Variants in GNA11 observed in about 807,000 individuals in gnomAD.
GNA11 encodes the protein guanine nucleotide-binding protein subunit alpha-11.
GNA11 carries 8 observed loss-of-function variants against 38.2 expected under a neutral mutation model. The ratio of observed to expected loss-of-function variants is 0.21; its 90% CI spans 0.12 to 0.38. GNA11 has a LOEUF of 0.38. Ranked by LOEUF, GNA11 falls within the 10% of genes least tolerant of loss-of-function variation. GNA11 has a pLI of 1.00. For missense variants in GNA11, 268 were observed against 516.3 expected, an observed-to-expected ratio of 0.52 and a Z score of 4.66; for synonymous variants, 211 against 221.4, an observed-to-expected ratio of 0.95 and a Z score of 0.42.
At chr19:3,109,774 GA>G (rs1368000401) in intron 1 of GNA11, among the ~76,000 whole-genome samples, 3 of 152,376 alleles carry the variant, frequency 2.0e-5, no homozygotes, top group African/African-American at 7.2e-5. Flanking sequence ...CATTGGTCAT[GA>G]ACTGGCGTGA....
intron 3 of GNA11, among the ~76,000 whole-genome samples, chr19:3,114,728 C>T (rs566475620): frequency 2.0e-5 from 3 of 152,300 alleles, no homozygotes; most frequent in African/African-American, 7.2e-5. Flanking sequence ...CCCCTGAGAC[C>T]CCAGAGAGGA....
chr19:3,119,437 C>A lies in GNA11; in HGVS notation c.889+78C>A. Reference sequence around the variant, plus strand: ...GGAGGGGGCTGATATGGGAGAGGGGCTCATACAGGCCGGGAGCTCTAAGGG... The same window carrying A: ...GGAGGGGGCTGATATGGGAGAGGGGATCATACAGGCCGGGAGCTCTAAGGG... On this transcript the variant is annotated intron_variant, in intron 6 of 6. Transcript: ENST00000078429. This position sits in a 1 kb window ranked among gnomAD's most constrained non-coding sequence, Gnocchi z 4.6. The A allele has an allele frequency of 1.5e-6, 2 of 1,359,784 alleles. No homozygotes were observed. The highest frequency in any genetic ancestry group is 1.0e-6 in the Non-Finnish European group (1 of 974,706). The allele number at this position is 1,359,784 out of a possible 1,614,324, so 84.2% of individuals were successfully genotyped here. A position where few individuals can be genotyped will look rare whatever the true frequency, so the allele number is the denominator to read the frequency against.
rs1001522171 is a variant in GNA11 at position 3,123,702 on chromosome 19, G to A, written c.*2523G>A. On this transcript the variant is annotated 3_prime_UTR_variant, in exon 7 of 7. Coordinates refer to ENST00000078429, the MANE Select transcript of GNA11 (RefSeq NM_002067.5). ...AGTGGTGGCAGCAGATCCTGTGGCC[G>A]GCCTGGCGGACGGGACCCAGTGATA... 1.3e-5 allele frequency: 3 copies of A among 233,056 alleles called. No individual in the cohort carries two copies. The highest frequency in any genetic ancestry group is 2.5e-5 in the Non-Finnish European group (3 of 117,974). 14.4% of individuals were successfully genotyped at this position (233,056 alleles called of 1,614,324 possible). A position where few individuals can be genotyped will look rare whatever the true frequency, so the allele number is the denominator to read the frequency against.
chr19:3,102,992 T>C (rs1428719617), intron 1 of GNA11, among the ~76,000 whole-genome samples: 1 of 152,158 alleles, frequency 6.6e-6, no homozygotes, highest in Non-Finnish European at 1.5e-5. Flanking sequence ...TCCCGGTGTG[T>C]GCACTGGCCT....
Position 3,122,503 on chromosome 19 carries a change from G to A in GNA11, c.*1324G>A, listed in dbSNP as rs1450022073. On this transcript the variant is annotated 3_prime_UTR_variant, in exon 7 of 7. Coordinates refer to ENST00000078429, the MANE Select transcript of GNA11 (RefSeq NM_002067.5). This position sits in a 1 kb window ranked among gnomAD's most constrained non-coding sequence, Gnocchi z 7.7. ...CGGGGGCCGCCTCCCGGGGCCCCTT[G>A]AGGCACTGAGGCACCGAGACTGGTT... 1 of 232,172 alleles carries A rather than the reference G, an allele frequency of 4.3e-6. No homozygotes were observed. Among genetic ancestry groups the A allele is most frequent in the African/African-American group, 2.2e-5 (1 of 45,264 alleles). 14.4% of individuals were successfully genotyped at this position (232,172 alleles called of 1,614,324 possible).
Position 3,102,464 on chromosome 19 carries a change from G to A in GNA11, c.136+7677G>A, listed in dbSNP as rs778893628. On this transcript the variant is annotated intron_variant, in intron 1 of 6. Coordinates refer to ENST00000078429, the MANE Select transcript of GNA11 (RefSeq NM_002067.5). The stretch of plus-strand genomic sequence containing the variant: ...CCGGGTGCACTTCCTCTCTCAGGGC[G>A]CCCCCTTGTCTTCTTGCCTCCCTGC... Among the ~76,000 whole-genome samples, 8 of 152,202 alleles carry A rather than the reference G, an allele frequency of 5.3e-5. 1 individual carries two copies. Among genetic ancestry groups the A allele is most frequent in the South Asian group, 4.1e-4 (2 of 4,834 alleles).
rs1914089504 is a variant in GNA11 at position 3,121,845 on chromosome 19, T to C, written c.*666T>C. The C allele has an allele frequency of 4.3e-6, 1 of 231,906 alleles. No homozygotes were observed. Among genetic ancestry groups the C allele is most frequent in the Non-Finnish European group, 8.5e-6 (1 of 117,166 alleles). The allele number at this position is 231,906 out of a possible 1,614,324, so 14.4% of individuals were successfully genotyped here. The stretch of plus-strand genomic sequence containing the variant: ...CTGGGAAGTGCCTAACCTTTTATTT[T>C]ATTTTATTTTTTTGAGGAAAAAGAA... On this transcript the variant is annotated 3_prime_UTR_variant, in exon 7 of 7. Transcript: ENST00000078429.
chr19:3,118,877 G>A (rs2145325725), intron 4 of GNA11, 47 bp from the exon 5 acceptor site: 1 of 1,593,904 alleles, frequency 6.3e-7, no homozygotes, highest in East Asian at 2.2e-5. Context: ...TTGCAGATTG[G>A]GCCTTGGGGC....
rs1349365863 is a variant in GNA11, at chr19:3,120,717, A to T, written c.890-272A>T. On this transcript the variant is annotated intron_variant, in intron 6 of 6. Transcript: ENST00000078429. The surrounding 1 kb of genome is among the most constrained non-coding windows in gnomAD (Gnocchi z 5.9). ...GAGCTGAGTGGATAGAGGCCGGCAG[A>T]GGGCTGAGCAGAGGGAGCAGCGGTG... Among the ~76,000 whole-genome samples the T allele has an allele frequency of 6.6e-6, 1 of 151,922 alleles. No homozygotes were observed. Among genetic ancestry groups the T allele is most frequent in the South Asian group, 2.1e-4 (1 of 4,820 alleles).
rs555780638 is a variant in GNA11, at chr19:3,122,133, G to A, written c.*954G>A. ...GGATGGTCCCCCGGTGACACTGGGA[G>A]AAAGGCCACTTGGATGGGGGCGTTT... On this transcript the variant is annotated 3_prime_UTR_variant, in exon 7 of 7. Coordinates refer to ENST00000078429, the MANE Select transcript of GNA11 (RefSeq NM_002067.5). This position sits in a 1 kb window ranked among gnomAD's most constrained non-coding sequence, Gnocchi z 7.7. The A allele has an allele frequency of 1.9e-4, 44 of 233,360 alleles. No homozygotes were observed. The East Asian group carries it at 2.7e-3, about 14-fold the overall frequency. 14.5% of individuals were successfully genotyped at this position (233,360 alleles called of 1,614,324 possible).
Position 3,119,447 on chromosome 19 carries a change from C to A in GNA11, c.889+88C>A. The A allele has an allele frequency of 7.9e-7, 1 of 1,270,042 alleles. No homozygotes were observed. Among genetic ancestry groups the A allele is most frequent in the Non-Finnish European group, 1.1e-6 (1 of 902,872 alleles). The allele number at this position is 1,270,042 out of a possible 1,614,324, so 78.7% of individuals were successfully genotyped here. On this transcript the variant is annotated intron_variant, in intron 6 of 6. Coordinates refer to ENST00000078429, the MANE Select transcript of GNA11 (RefSeq NM_002067.5). The surrounding 1 kb of genome is among the most constrained non-coding windows in gnomAD (Gnocchi z 4.6). ...GATATGGGAGAGGGGCTCATACAGGCCGGGAGCTCTAAGGGAGGGCGTCTG... is the reference window on the plus strand; with the variant it reads ...GATATGGGAGAGGGGCTCATACAGGACGGGAGCTCTAAGGGAGGGCGTCTG...
chr19:3,118,254 A>G (rs995708282), intron 4 of GNA11: 2 of 152,142 alleles, frequency 1.3e-5, no homozygotes, highest in African/African-American at 4.8e-5. Flanking sequence ...TTCTCGTTAT[A>G]GAAAACTTAG....
chr19:3,109,616 C>T (rs959568407), intron 1 of GNA11, among the ~76,000 whole-genome samples: 2 of 152,178 alleles, frequency 1.3e-5, no homozygotes, highest in African/African-American at 2.4e-5. Flanking sequence ...GTGCTTGGTG[C>T]GCAGGGGGCA....
At chr19:3,117,189 G>A (rs1474249365) in intron 4 of GNA11, 1 of 152,304 alleles carries the variant, frequency 6.6e-6, no homozygotes, top group Non-Finnish European at 1.5e-5. Context: ...ATGACCCCAG[G>A]ATACAGCTGA....
chr19:3,118,948 G>T lies in GNA11; in HGVS notation c.630G>T (p.Arg210=), dbSNP rs2145325995. ...GGATGGTGGATGTGGGGGGCCAGCG[G>T]TCGGAGCGGAGGAAGTGGATCCACT... is the stretch of plus-strand genomic sequence containing the variant. ...IFRMVDVGGQ[R]SERRKWIHCF... The change falls in exon 5 of 7, where the codon CGG becomes CGT. Residue 210 remains arginine (R), a synonymous_variant. Coordinates refer to ENST00000078429, the MANE Select transcript of GNA11 (RefSeq NM_002067.5). The T allele has an allele frequency of 1.2e-6, 2 of 1,613,856 alleles. No individual in the cohort carries two copies. Among genetic ancestry groups the T allele is most frequent in the Non-Finnish European group, 1.7e-6 (2 of 1,179,756 alleles).
chr19:3,118,860 C>T (rs1046005669), intron 4 of GNA11, 64 bp from the exon 5 acceptor site: 76 of 1,534,886 alleles, frequency 5.0e-5, no homozygotes, highest in Non-Finnish European at 6.5e-5. Flanking sequence ...TGGGAGCCGT[C>T]CTGGGATTGC....
At chr19:3,099,726 T>C (rs1358348943) in intron 1 of GNA11, among the ~76,000 whole-genome samples, 3 of 152,210 alleles carry the variant, frequency 2.0e-5, no homozygotes, top group Non-Finnish European at 2.9e-5. Flanking sequence ...AAGCCTCCGA[T>C]GGTCTCTGCT....
rs2145315762 is a variant in GNA11, at chr19:3,110,336, G to A, written c.321+3G>A. The A allele has an allele frequency of 1.2e-6, 2 of 1,600,716 alleles. No homozygotes were observed. The highest frequency in any genetic ancestry group is 1.7e-6 in the Non-Finnish European group (2 of 1,172,906). On this transcript the variant is annotated splice_donor_region_variant and intron_variant, in intron 2 of 6. Coordinates refer to ENST00000078429, the MANE Select transcript of GNA11 (RefSeq NM_002067.5). This position sits in a 1 kb window ranked among gnomAD's most constrained non-coding sequence, Gnocchi z 5.4. The stretch of plus-strand genomic sequence containing the variant: ...TCTACAAGTACGAGCAGAACAAGGT[G>A]AGCCCGCGGGCGCCTGGGGAGGGGA...
Position 3,119,499 on chromosome 19 carries a change from A to C in GNA11, c.889+140A>C. On this transcript the variant is annotated intron_variant, in intron 6 of 6. Transcript: ENST00000078429. The surrounding 1 kb of genome is among the most constrained non-coding windows in gnomAD (Gnocchi z 4.6). ...TGGGAGGTGTCATGTATGGGAGTGG[A>C]GTCTCAGGGAAGGGAGATCTCGTAT... 1 of 649,072 alleles carries C rather than the reference A, an allele frequency of 1.5e-6. No individual in the cohort carries two copies. The highest frequency in any genetic ancestry group is 2.8e-5 in the East Asian group (1 of 35,602). The allele number at this position is 649,072 out of a possible 1,614,324, so 40.2% of individuals were successfully genotyped here. A position where few individuals can be genotyped will look rare whatever the true frequency, so the allele number is the denominator to read the frequency against.
Sources: allele counts gnomAD v4.1 joint callset (sites outside exome capture counted in the v4.1 genomes callset), GRCh38; gene constraint gnomAD v4.1.1; non-coding constraint Gnocchi (gnomAD v3.1); transcripts MANE v1.5; gene names NCBI Gene and HGNC (gene_info 2026-07-23, HGNC 2026-07-21).